The following TBX5 variants were observed in gnomAD, a reference collection of about 807,000 sequenced individuals.
The protein encoded by TBX5 is T-box transcription factor TBX5.
TBX5 carries 8 observed loss-of-function variants against 51.1 expected under a neutral mutation model. The observed-to-expected ratio is 0.16, with a 90% CI of 0.09 to 0.28. TBX5 has a LOEUF of 0.28. Among genes scored for constraint, TBX5 ranks in the 10% least tolerant of loss-of-function variants. TBX5 has a pLI of 1.00. For synonymous variants in TBX5, 302 were observed against 266.4 expected (o/e 1.13, Z -1.30); for missense variants, 589 against 671.7 (o/e 0.88, Z 1.36).
Position 114,375,975 on chromosome 12 carries a change from G to T in TBX5, c.755+9501C>A, listed in dbSNP as rs137909861. 3.1e-3 allele frequency among the ~76,000 whole-genome samples: 475 copies of T among 152,220 alleles called. 1 individual carries two copies. Among genetic ancestry groups the T allele is most frequent in the African/African-American group, 0.011 (446 of 41,544 alleles). On this transcript the variant is annotated intron_variant, in intron 7 of 8. Transcript: ENST00000405440. ...TGGGAGGATTGCTTGAACCCAGGAA[G>T]TGGAAGCTGTAATGAGCCCTGATCA...
Position 114,380,664 on chromosome 12 carries a change from T to A in TBX5, c.755+4812A>T, listed in dbSNP as rs576755638. 1.3e-4 allele frequency among the ~76,000 whole-genome samples: 20 copies of A among 152,136 alleles called. No individual in the cohort carries two copies. In the East Asian group the frequency reaches 3.5e-3, roughly 27 times the overall value. On this transcript the variant is annotated intron_variant, in intron 7 of 8. Coordinates refer to ENST00000405440, the MANE Select transcript of TBX5 (RefSeq NM_181486.4). Reference sequence around the variant, plus strand: ...ACCAACCTGGGCAACATAGTGAGATTCCGTCGCTACAAAAAATTAGCTGGG... The same window carrying A: ...ACCAACCTGGGCAACATAGTGAGATACCGTCGCTACAAAAAATTAGCTGGG...
At chr12:114,388,328 TTG>T (rs1320155803) in intron 6 of TBX5, among the ~76,000 whole-genome samples, 1 of 152,108 alleles carries the variant, frequency 6.6e-6, no homozygotes, top group Non-Finnish European at 1.5e-5. Flanking sequence ...TGAGTAATTT[TTG>T]TAGTTTTAGC....
intron 7 of TBX5, among the ~76,000 whole-genome samples, chr12:114,369,870 C>T (rs1369814143): frequency 6.6e-6 from 1 of 152,064 alleles, no homozygotes; most frequent in African/African-American, 2.4e-5. Flanking sequence ...ATGTTCCAGC[C>T]ACCGTACTGC....
At chr12:114,389,923 A>G (rs575525196) in intron 6 of TBX5, among the ~76,000 whole-genome samples, 10 of 152,200 alleles carry the variant, frequency 6.6e-5, no homozygotes, top group Admixed American at 3.3e-4. Context: ...TGCTCAGTCC[A>G]TGATGTCCAT....
chr12:114,370,369 GT>G (rs1205532719), intron 7 of TBX5, among the ~76,000 whole-genome samples: 1 of 151,558 alleles, frequency 6.6e-6, no homozygotes, highest in Admixed American at 6.6e-5. Context: ...GAAAAGGCAG[GT>G]ACAGAGAGGT....
intron 7 of TBX5, among the ~76,000 whole-genome samples, chr12:114,370,176 A>G (rs1295620452): frequency 6.6e-6 from 1 of 151,710 alleles, no homozygotes; most frequent in Non-Finnish European, 1.5e-5. Context: ...GGTTGCAATG[A>G]GCCAAGATAG....
Position 114,401,938 on chromosome 12 carries a change from A to G in TBX5, c.148-18T>C, listed in dbSNP as rs761482091. On this transcript the variant is annotated intron_variant, in intron 2 of 8. Transcript: ENST00000405440. ...TCCATGCCCTGCAAGAAGGAGAAAA[A>G]AGTCACACTAACAAGCCCTGGCAGT... 5.0e-6 allele frequency: 8 copies of G among 1,611,098 alleles called. No homozygotes were observed. Among genetic ancestry groups the G allele is most frequent in the Non-Finnish European group, 5.9e-6 (7 of 1,177,302 alleles).
intron 1 of TBX5, among the ~76,000 whole-genome samples, chr12:114,404,733 G>C (rs929499671): frequency 6.6e-6 from 1 of 152,142 alleles, no homozygotes; most frequent in African/African-American, 2.4e-5. Flanking sequence ...TCTGATGCCG[G>C]GCGGGGGATG....
rs371958704 is a variant in TBX5 at position 114,399,472 on chromosome 12, CT to C, written c.362+40del. The C allele has an allele frequency of 6.2e-6, 10 of 1,612,324 alleles. No homozygotes were observed. In the African/African-American group the frequency reaches 1.3e-4, roughly 22 times the overall value. ...TTCAACTTTTTGGGAGAAGGTTCCACTTTTCTCTCTCCCCGCTCCACCTGCC... is the reference window on the plus strand; with the variant it reads ...TTCAACTTTTTGGGAGAAGGTTCCACTTTCTCTCTCCCCGCTCCACCTGCC... On this transcript the variant is annotated intron_variant, in intron 4 of 8. Transcript: ENST00000405440.
rs1455212557 is a variant in TBX5, at chr12:114,355,747, G to T, written c.1342C>A (p.Pro448Thr). ...RLAGMANHGS[P>T]QLGEGMFQHQ... The stretch of plus-strand genomic sequence containing the variant: ...TGGAACATTCCCTCTCCCAGCTGTG[G>T]GGAGCCATGGTTGGCCATGCCAGCC... The change falls in exon 9 of 9, where the codon CCA becomes ACA. Residue 448 changes from proline to threonine, a missense_variant. Pro to Thr is a conservative substitution (Grantham distance 38). Around this residue, in one of 7 missense-constraint regions of TBX5, gnomAD observed 348 missense variants for 360.4 expected, o/e 0.97. Transcript: ENST00000405440. 6.2e-7 allele frequency: 1 copy of T among 1,614,112 alleles called. No homozygotes were observed. The highest frequency in any genetic ancestry group is 8.5e-7 in the Non-Finnish European group (1 of 1,180,000).
In TBX5 at chr12:114,366,181, A is replaced by T; in HGVS notation, c.966T>A (p.His322Gln). The T allele has an allele frequency of 6.2e-7, 1 of 1,614,150 alleles. No homozygotes were observed. The highest frequency in any genetic ancestry group is 8.5e-7 in the Non-Finnish European group (1 of 1,180,012). Residue 322 changes from histidine to glutamine, a missense_variant, in exon 8 of 9, where the codon CAT becomes CAA. Around this residue, in one of 7 missense-constraint regions of TBX5, gnomAD observed 348 missense variants for 360.4 expected, o/e 0.97. Coordinates refer to ENST00000405440, the MANE Select transcript of TBX5 (RefSeq NM_181486.4). Reference protein sequence around the residue: ...PLPQEHSQIYHCTKRKEEECS... With the variant: ...PLPQEHSQIYQCTKRKEEECS... Reference sequence around the variant, plus strand: ...CACACTCACCTTTCCTCTTGGTACAATGGTAAATTTGGCTATGCTCCTGGG... The same window carrying T: ...CACACTCACCTTTCCTCTTGGTACATTGGTAAATTTGGCTATGCTCCTGGG...
chr12:114,365,160 C>A lies in TBX5; in HGVS notation c.982+1005G>T, dbSNP rs538176566. The stretch of plus-strand genomic sequence containing the variant: ...AAATGGGGGATGAGACGGGGAAAAT[C>A]ATTTGTGATGTGTGTGTGTGTGTGT... On this transcript the variant is annotated intron_variant, in intron 8 of 8. Coordinates refer to ENST00000405440, the MANE Select transcript of TBX5 (RefSeq NM_181486.4). 3.1e-5 allele frequency among the ~76,000 whole-genome samples: 4 copies of A among 127,034 alleles called. No individual in the cohort carries two copies. In the South Asian group the frequency reaches 1.1e-3, roughly 34 times the overall value. 83.3% of individuals were successfully genotyped at this position (127,034 alleles called of 152,430 possible).
At chr12:114,381,000 G>A (rs1332873826) in intron 7 of TBX5, among the ~76,000 whole-genome samples, 1 of 152,096 alleles carries the variant, frequency 6.6e-6, no homozygotes, top group African/African-American at 2.4e-5. Flanking sequence ...GAGACAGGAT[G>A]TTTAAATGAC....
At chr12:114,362,441 G>A (rs535160390) in intron 8 of TBX5, among the ~76,000 whole-genome samples, 13 of 152,048 alleles carry the variant, frequency 8.5e-5, no homozygotes, top group Admixed American at 7.9e-4. Flanking sequence ...TCAGCCTTCT[G>A]TTCACTCCCC....
rs185824521 is a variant in TBX5, at chr12:114,360,929, C to G, written c.983-4823G>C. Among the ~76,000 whole-genome samples the G allele has an allele frequency of 2.1e-3, 323 of 152,252 alleles. 1 individual carries two copies. The highest frequency in any genetic ancestry group is 7.5e-3 in the African/African-American group (311 of 41,538). ...TCAAAAGACTCAGTTTGAAACATCA[C>G]CTAGTCACTACCTGAAACCAATAAA... On this transcript the variant is annotated intron_variant, in intron 8 of 8. Transcript: ENST00000405440.
intron 6 of TBX5, among the ~76,000 whole-genome samples, chr12:114,392,209 A>T (rs1175867301): frequency 1.3e-5 from 2 of 151,422 alleles, no homozygotes; most frequent in Non-Finnish European, 2.9e-5. Context: ...AATCACACAT[A>T]CACACCCCAT....
intron 7 of TBX5, among the ~76,000 whole-genome samples, chr12:114,379,224 T>A (rs1870372651): frequency 6.6e-6 from 1 of 152,104 alleles, no homozygotes; most frequent in Admixed American, 6.6e-5. Context: ...AAAATAAAAG[T>A]GCCTCCCTGG....
chr12:114,407,266 CA>C (rs1370827039), upstream of TBX5: 1 of 230,598 alleles, frequency 4.3e-6, no homozygotes, highest in African/African-American at 2.3e-5. Flanking sequence ...GGTTTGTTTG[CA>C]AACAGATATT....
chr12:114,404,472 C>CA (rs149024349), intron 1 of TBX5, among the ~76,000 whole-genome samples: 1 of 151,856 alleles, frequency 6.6e-6, no homozygotes, highest in Non-Finnish European at 1.5e-5. Flanking sequence ...CCGCCTCTTG[C>CA]AAAAAGAAAA....
Sources: gnomAD v4.1 joint callset for allele counts (sites outside exome capture counted in the v4.1 genomes callset) on GRCh38, gnomAD v4.1.1 for gene constraint, gnomAD v4.1.1 regional missense constraint, MANE v1.5 for transcripts, NCBI Gene and HGNC (gene_info 2026-07-23, HGNC 2026-07-21) for gene names.